GLRA2: variants seen among roughly 807,000 people sequenced by gnomAD.
The protein encoded by GLRA2 is glycine receptor alpha 2, also known as glycine receptor subunit alpha-2.
Under a neutral mutation model 31.6 loss-of-function variants are expected in GLRA2, and 11 were observed. The observed-to-expected ratio is 0.35, with a 90% CI of 0.22 to 0.58. GLRA2 has a LOEUF of 0.58. Among genes scored for constraint, GLRA2 ranks in the 20% least tolerant of loss-of-function variants. GLRA2 has a pLI of 0.84. For synonymous variants in GLRA2, 132 were observed against 134.0 expected (o/e 0.99, Z 0.10); for missense variants, 212 against 351.8 (o/e 0.60, Z 3.18).
At chrX:14,519,763 T>G in the GLRA2 span, among the ~76,000 whole-genome samples, 2 of 111,916 alleles carry the variant, frequency 1.8e-5, no homozygotes, top group African/African-American at 6.5e-5. Flanking sequence ...ATAATATTTA[T>G]TTTCCTTATT....
the GLRA2 span, among the ~76,000 whole-genome samples, chrX:14,489,354 CCTA>C: frequency 9.0e-6 from 1 of 111,241 alleles, no homozygotes; most frequent in East Asian, 2.8e-4. Flanking sequence ...TGGGCCATCT[CCTA>C]TTATTGTTGT....
At chrX:14,544,839 A>G (rs1251196039) in intron 2 of GLRA2, among the ~76,000 whole-genome samples, 2 of 111,527 alleles carry the variant, frequency 1.8e-5, no homozygotes, top group African/African-American at 6.5e-5. Context: ...TTCCTCCTCC[A>G]TGCTTTCTCT....
intron 7 of GLRA2, among the ~76,000 whole-genome samples, chrX:14,638,919 CT>C (rs2090744670): frequency 9.0e-6 from 1 of 110,545 alleles, no homozygotes; most frequent in Admixed American, 9.7e-5. Flanking sequence ...AGAATAATGC[CT>C]CTCACAAAAG....
At chrX:14,620,860 A>T (rs2090507249) in intron 7 of GLRA2, among the ~76,000 whole-genome samples, 1 of 111,331 alleles carries the variant, frequency 9.0e-6, no homozygotes, top group African/African-American at 3.3e-5. Flanking sequence ...CTTGAAGTAG[A>T]TGTCACTTCT....
chrX:14,507,726 C>T, the GLRA2 span, among the ~76,000 whole-genome samples: 2 of 42,015 alleles, frequency 4.8e-5, no homozygotes, highest in African/African-American at 9.4e-5. Flanking sequence ...GACAGAGTCT[C>T]ACTCTGTCTC....
chrX:14,450,981 T>C, the GLRA2 span, among the ~76,000 whole-genome samples: 1 of 111,368 alleles, frequency 9.0e-6, no homozygotes, highest in African/African-American at 3.3e-5. Flanking sequence ...ATTACAGGTG[T>C]GAGCCAACAT....
chrX:14,559,958 C>T (rs2089704357), intron 2 of GLRA2, among the ~76,000 whole-genome samples: 1 of 111,553 alleles, frequency 9.0e-6, no homozygotes, highest in African/African-American at 3.3e-5. Context: ...CTCCTATCCT[C>T]CAAGGCTCTC....
At chrX:14,449,821 T>G in the GLRA2 span, among the ~76,000 whole-genome samples, 1 of 112,079 alleles carries the variant, frequency 8.9e-6, no homozygotes, top group Non-Finnish European at 1.9e-5. Flanking sequence ...TCCAGGGGTA[T>G]CCAGCTGAGA....
At chrX:14,600,953 A>T (rs1397131639) in intron 4 of GLRA2, among the ~76,000 whole-genome samples, 1 of 109,235 alleles carries the variant, frequency 9.2e-6, no homozygotes, top group African/African-American at 3.3e-5. Flanking sequence ...AAGCTCATGG[A>T]TCCTTTTGAA....
intron 4 of GLRA2, among the ~76,000 whole-genome samples, chrX:14,586,891 A>AGGG (rs1484418856): frequency 8.9e-6 from 1 of 112,015 alleles, no homozygotes; most frequent in African/African-American, 3.2e-5. Flanking sequence ...TATGACTTTT[A>AGGG]TAGAAGGATT....
intron 8 of GLRA2, among the ~76,000 whole-genome samples, chrX:14,711,314 T>C (rs2091706207): frequency 8.9e-6 from 1 of 112,431 alleles, no homozygotes; most frequent in Non-Finnish European, 1.9e-5. Context: ...TTCTATCCAG[T>C]GACCCAGGGA....
the GLRA2 span, among the ~76,000 whole-genome samples, chrX:14,504,884 G>A: frequency 8.9e-6 from 1 of 111,965 alleles, no homozygotes; most frequent in African/African-American, 3.2e-5. Context: ...GCAGTAAAGG[G>A]AAAAGATAAT....
intron 2 of GLRA2, among the ~76,000 whole-genome samples, chrX:14,553,934 C>A (rs770414371): frequency 8.9e-6 from 1 of 111,946 alleles, no homozygotes; most frequent in East Asian, 2.8e-4. Flanking sequence ...TACTTCCCGA[C>A]GTCTCATCCA....
the GLRA2 span, among the ~76,000 whole-genome samples, chrX:14,521,215 G>A: frequency 8.9e-6 from 1 of 112,478 alleles, no homozygotes; most frequent in Admixed American, 9.4e-5. Flanking sequence ...ATTTGTGGGT[G>A]TGTCTGTGAG....
At chrX:14,520,515 T>G in the GLRA2 span, among the ~76,000 whole-genome samples, 1 of 112,602 alleles carries the variant, frequency 8.9e-6, no homozygotes, top group East Asian at 2.8e-4. Flanking sequence ...TATAAATTGT[T>G]TCAAGCATTT....
At chrX:14,458,377 G>T in the GLRA2 span, among the ~76,000 whole-genome samples, 2 of 111,710 alleles carry the variant, frequency 1.8e-5, no homozygotes, top group Non-Finnish European at 3.8e-5. Flanking sequence ...AGTCCTTTGG[G>T]TATATACCCA....
At chrX:14,530,329 A>C (rs1207662545) in intron 1 of GLRA2, among the ~76,000 whole-genome samples, 1 of 111,604 alleles carries the variant, frequency 9.0e-6, no homozygotes, top group African/African-American at 3.3e-5. Context: ...GCATAGCCGC[A>C]CTCTATGCAA....
At chrX:14,567,766 A>G (rs773549715) in intron 2 of GLRA2, among the ~76,000 whole-genome samples, 1 of 112,577 alleles carries the variant, frequency 8.9e-6, no homozygotes, top group Non-Finnish European at 1.9e-5. Flanking sequence ...GAGCTAATAA[A>G]TTCAGTGAAG....
In GLRA2 at chrX:14,730,823, GCT is replaced by G. The variant is rs1291202091; in HGVS notation, c.*339_*340del. 2.2e-5 allele frequency: 4 copies of G among 183,242 alleles called. No individual in the cohort carries two copies. The highest frequency in any genetic ancestry group is 4.0e-5 in the Non-Finnish European group (4 of 99,659). 15.1% of individuals were successfully genotyped at this position (183,242 alleles called of 1,213,427 possible). A position where few individuals can be genotyped will look rare whatever the true frequency, so the allele number is the denominator to read the frequency against. On this transcript the variant is annotated 3_prime_UTR_variant, in exon 9 of 9. Coordinates refer to ENST00000218075, the MANE Select transcript of GLRA2 (RefSeq NM_002063.4). ...GATATGCGGGGTCAAGTTCTTAAGGGCTGTTTGCCTTTTGGTCCTTTTGGTTT... is the reference window on the plus strand; with the variant it reads ...GATATGCGGGGTCAAGTTCTTAAGGGGTTTGCCTTTTGGTCCTTTTGGTTT...
Sources: allele counts gnomAD v4.1 joint callset (sites outside exome capture counted in the v4.1 genomes callset), GRCh38; gene constraint gnomAD v4.1.1; transcripts MANE v1.5; gene names NCBI Gene and HGNC (gene_info 2026-07-23, HGNC 2026-07-21).